The following SGCD variants were observed in gnomAD, a reference collection of about 807,000 sequenced individuals.
The protein encoded by SGCD is delta-sarcoglycan.
SGCD carries 18 observed loss-of-function variants against 36.6 expected under a neutral mutation model. The observed-to-expected ratio is 0.49, with a 90% confidence interval of 0.34 to 0.73. The LOEUF (loss-of-function observed/expected upper bound fraction) is 0.73, where lower values mean the gene tolerates loss of function less well. SGCD is among the 30% of genes least tolerant of loss of function. SGCD has a pLI of 0.01. For synonymous variants in SGCD, 133 were observed against 130.6 expected (o/e 1.02, Z -0.12); for missense variants, 387 against 346.7 (o/e 1.12, Z -0.92).
At chr5:156,634,786 C>A (rs1285918844) in intron 6 of SGCD, among the ~76,000 whole-genome samples, 1 of 152,106 alleles carries the variant, frequency 6.6e-6, no homozygotes, top group Non-Finnish European at 1.5e-5. Flanking sequence ...ACTAAACAAA[C>A]ATCAAGGATA....
chr5:156,144,581 G>A (rs1054985644), intron 3 of SGCD, among the ~76,000 whole-genome samples: 1 of 152,124 alleles, frequency 6.6e-6, no homozygotes, highest in Non-Finnish European at 1.5e-5. Flanking sequence ...TTGTTGATGG[G>A]GTTGTTTGTT....
Position 156,229,279 on chromosome 5 carries a change from T to C in SGCD, c.-43-100255T>C, listed in dbSNP as rs670814. Among the ~76,000 whole-genome samples the C allele has an allele frequency of 1.1e-3, 57 of 51,574 alleles. 1 individual carries two copies. Among genetic ancestry groups the C allele is most frequent in the African/African-American group, 2.4e-3 (30 of 12,522 alleles). The allele number at this position is 51,574 out of a possible 152,430, so 33.8% of individuals were successfully genotyped here. ...ATACATACATATATATATACATACA[T>C]ATATATATATATATATATATAAAAT... On this transcript the variant is annotated intron_variant, in intron 3 of 9. Transcript: ENST00000517913.
At chr5:156,576,743 A>G (rs1438206909) in intron 4 of SGCD, among the ~76,000 whole-genome samples, 1 of 151,972 alleles carries the variant, frequency 6.6e-6, no homozygotes, top group Admixed American at 6.6e-5. Flanking sequence ...GTGTCTGTTC[A>G]TATCCTTTGC....
intron 3 of SGCD, among the ~76,000 whole-genome samples, chr5:156,501,528 A>G (rs1187080922): frequency 6.6e-6 from 1 of 152,216 alleles, no homozygotes; most frequent in African/African-American, 2.4e-5. Flanking sequence ...TCTGGGCCAG[A>G]TAAAGAATGA....
the SGCD span, among the ~76,000 whole-genome samples, chr5:155,858,296 A>G: frequency 6.6e-6 from 1 of 152,180 alleles, no homozygotes; most frequent in Non-Finnish European, 1.5e-5. Context: ...TTGTTTGGGT[A>G]TGGTGGATAG....
the SGCD span, among the ~76,000 whole-genome samples, chr5:155,809,790 C>A: frequency 2.2e-4 from 33 of 152,222 alleles, no homozygotes; most frequent in African/African-American, 7.7e-4. Context: ...TACGCCTAAA[C>A]CTTGCAACAG....
the SGCD span, among the ~76,000 whole-genome samples, chr5:155,823,270 C>G: frequency 7.9e-6 from 1 of 126,984 alleles, no homozygotes; most frequent in Non-Finnish European, 1.6e-5. Flanking sequence ...TACAGCAGGA[C>G]AAGATGAGCT....
intron 4 of SGCD, among the ~76,000 whole-genome samples, chr5:156,588,178 C>T (rs185730690): frequency 2.6e-5 from 4 of 152,016 alleles, no homozygotes; most frequent in African/African-American, 4.8e-5. Flanking sequence ...CAAGTGTTAG[C>T]ACGCAGTGGC....
chr5:156,148,514 T>A (rs893118242), intron 3 of SGCD, among the ~76,000 whole-genome samples: 6 of 152,238 alleles, frequency 3.9e-5, no homozygotes, highest in African/African-American at 1.4e-4. Flanking sequence ...TAAAATTGAC[T>A]TCTGTTGATG....
intron 3 of SGCD, among the ~76,000 whole-genome samples, chr5:156,217,999 G>T (rs1357509746): frequency 6.6e-6 from 1 of 152,014 alleles, no homozygotes; most frequent in African/African-American, 2.4e-5. Context: ...TTCAGTCTGG[G>T]TGTGGTAGCC....
intron 1 of SGCD, among the ~76,000 whole-genome samples, chr5:156,016,014 G>A (rs1405926626): frequency 6.6e-6 from 1 of 151,586 alleles, no homozygotes; most frequent in Non-Finnish European, 1.5e-5. Context: ...ACAATAACCT[G>A]ACCTTTAAAA....
At chr5:156,521,016 CAAAAAA>C (rs3075012) in intron 4 of SGCD, among the ~76,000 whole-genome samples, 14 of 56,728 alleles carry the variant, frequency 2.5e-4, no homozygotes, top group African/African-American at 6.1e-4. Context: ...GACTCCGTCT[CAAAAAA>C]AAAAAAAAAA....
At chr5:156,410,852 C>G (rs1485985659) in intron 3 of SGCD, among the ~76,000 whole-genome samples, 3 of 152,096 alleles carry the variant, frequency 2.0e-5, no homozygotes, top group African/African-American at 7.2e-5. Context: ...TCCCACTCCT[C>G]TTTTCTGGAA....
chr5:155,845,577 T>C, the SGCD span: 8 of 152,176 alleles, frequency 5.3e-5, no homozygotes, highest in Non-Finnish European at 1.2e-4. Context: ...GTTATTACAA[T>C]GAATAATTTT....
chr5:155,965,776 C>G (rs540775456), intron 1 of SGCD, among the ~76,000 whole-genome samples: 1 of 152,052 alleles, frequency 6.6e-6, no homozygotes, highest in African/African-American at 2.4e-5. Flanking sequence ...TCAATAAATA[C>G]GAAGGGCTCT....
intron 7 of SGCD, among the ~76,000 whole-genome samples, chr5:156,651,619 C>A (rs1763464809): frequency 6.6e-6 from 1 of 151,892 alleles, no homozygotes; most frequent in Non-Finnish European, 1.5e-5. Context: ...AGGTATGAGA[C>A]TATTTCTGGT....
chr5:155,851,698 A>G, the SGCD span, among the ~76,000 whole-genome samples: 114 of 152,310 alleles, frequency 7.5e-4, no homozygotes, highest in African/African-American at 2.6e-3. Context: ...TTCCAAATAC[A>G]TACATCATCC....
intron 3 of SGCD, among the ~76,000 whole-genome samples, chr5:156,348,839 G>A (rs553370314): frequency 1.3e-4 from 19 of 151,764 alleles, no homozygotes; most frequent in Non-Finnish European, 2.2e-4. Flanking sequence ...TCACATTACC[G>A]GACTTCAAAT....
chr5:155,902,103 T>A (rs182870466), intron 1 of SGCD, among the ~76,000 whole-genome samples: 2 of 152,344 alleles, frequency 1.3e-5, no homozygotes, highest in Admixed American at 1.3e-4. Context: ...ACATTCTAAT[T>A]TAGACTTCTT....
Sources: gnomAD v4.1 joint callset for allele counts (sites outside exome capture counted in the v4.1 genomes callset) on GRCh38, gnomAD v4.1.1 for gene constraint, MANE v1.5 for transcripts, NCBI Gene and HGNC (gene_info 2026-07-23, HGNC 2026-07-21) for gene names.